Variants in ANXA4 observed in about 807,000 individuals in gnomAD.
ANXA4 encodes the protein annexin A4.
A neutral mutation model predicts 49.8 loss-of-function variants in ANXA4; 39 were observed. That is an observed-to-expected ratio of 0.78 (90% CI 0.61 to 1.02). The LOEUF is 1.02. ANXA4 is among the 50% of genes least tolerant of loss of function. ANXA4 has a pLI of 0.00. For synonymous variants in ANXA4, 134 were observed against 152.5 expected, an observed-to-expected ratio of 0.88 and a Z score of 0.89; for missense variants, 360 against 410.1, an observed-to-expected ratio of 0.88 and a Z score of 1.05.
intron 2 of ANXA4, among the ~76,000 whole-genome samples, chr2:69,706,024 T>C (rs533024896): frequency 8.6e-5 from 13 of 152,018 alleles, no homozygotes; most frequent in Non-Finnish European, 1.3e-4. Context: ...AAAAAATATA[T>C]ATATCTGTGT....
chr2:69,732,019 C>T (rs1221623043), intron 3 of ANXA4, among the ~76,000 whole-genome samples: 7 of 124,986 alleles, frequency 5.6e-5, no homozygotes, highest in South Asian at 2.4e-4. Context: ...CTGGCTCTGT[C>T]GCCCAGGCTG....
chr2:69,685,313 C>G (rs756203558), intron 2 of ANXA4, among the ~76,000 whole-genome samples: 1 of 152,084 alleles, frequency 6.6e-6, no homozygotes, highest in Admixed American at 6.6e-5. Context: ...AATGCCCATA[C>G]ATATAGAATA....
upstream of ANXA4, among the ~76,000 whole-genome samples, chr2:69,741,674 G>C (rs559354710): frequency 6.6e-6 from 1 of 152,258 alleles, no homozygotes; most frequent in Admixed American, 6.5e-5. Flanking sequence ...CCGAGGTGGG[G>C]GGAAGCGCGG....
chr2:69,822,800 A>T (rs1446692259), intron 12 of ANXA4, among the ~76,000 whole-genome samples: 1 of 152,078 alleles, frequency 6.6e-6, no homozygotes, highest in Non-Finnish European at 1.5e-5. Flanking sequence ...GTGGGTACAG[A>T]GTTTCTGTTT....
Position 69,812,674 on chromosome 2 carries a change from T to C in ANXA4, c.499T>C (p.Tyr167His), listed in dbSNP as rs758801174. Residue 167 changes from tyrosine (Y) to histidine (H), a missense_variant, in exon 8 of 13, where the codon TAT (tyrosine) becomes CAT (histidine). Physicochemically the swap from Tyr to His is moderately conservative, Grantham distance 83 (BLOSUM62 2). Coordinates refer to ENST00000394295, the MANE Select transcript of ANXA4 (RefSeq NM_001153.5). Reference protein sequence around the residue: ...LSAGGRDEGNYLDDALVRQDA... With the variant: ...LSAGGRDEGNHLDDALVRQDA... ...TCAGGGTGGGAGGGATGAAGGAAAT[T>C]ATCTGGACGATGCTCTCGTGAGACA... 3 of 1,614,146 alleles carry C rather than the reference T, an allele frequency of 1.9e-6. No homozygotes were observed. Among genetic ancestry groups the C allele is most frequent in the Admixed American group, 1.7e-5 (1 of 60,022 alleles).
intron 2 of ANXA4, among the ~76,000 whole-genome samples, chr2:69,707,002 C>T (rs1678520589): frequency 6.6e-6 from 1 of 152,126 alleles, no homozygotes; most frequent in Admixed American, 6.6e-5. Context: ...ATACACTTGA[C>T]TTGGTTGTGA....
At chr2:69,821,177 G>C (rs561120925) in intron 12 of ANXA4, among the ~76,000 whole-genome samples, 7 of 152,252 alleles carry the variant, frequency 4.6e-5, no homozygotes, top group African/African-American at 1.4e-4. Context: ...TGGGAATATG[G>C]GAAAGCATTT....
At chr2:69,758,124 T>G (rs1671136369) in intron 1 of ANXA4, among the ~76,000 whole-genome samples, 1 of 152,190 alleles carries the variant, frequency 6.6e-6, no homozygotes, top group African/African-American at 2.4e-5. Context: ...GCAATTCTTG[T>G]GCCTCAGCAT....
Position 69,730,302 on chromosome 2 carries a change from G to A in ANXA4, n.864+9431G>A, listed in dbSNP as rs187284500. 7.0e-4 allele frequency among the ~76,000 whole-genome samples: 107 copies of A among 152,320 alleles called. 1 individual carries two copies. Among genetic ancestry groups the A allele is most frequent in the African/African-American group, 2.5e-3 (104 of 41,562 alleles). ...GGATCACCTGAGGTCAGGAGTTCGA[G>A]ACCAGCCTGGCCAACATGAGGAAAC... On this transcript the variant is annotated intron_variant and non_coding_transcript_variant, in intron 3 of 3. Transcript: ENST00000418066.
intron 2 of ANXA4, among the ~76,000 whole-genome samples, chr2:69,713,342 C>T (rs1173561490): frequency 6.6e-6 from 1 of 152,070 alleles, no homozygotes; most frequent in East Asian, 1.9e-4. Flanking sequence ...ACTCATTCTC[C>T]CCAAGGAAGA....
chr2:69,703,271 T>C (rs1678390786), intron 2 of ANXA4, among the ~76,000 whole-genome samples: 1 of 152,064 alleles, frequency 6.6e-6, no homozygotes, highest in African/African-American at 2.4e-5. Flanking sequence ...TATTAAAATA[T>C]AATTCACATA....
At chr2:69,655,875 CA>C (rs1321861366) in intron 2 of ANXA4, among the ~76,000 whole-genome samples, 3 of 152,040 alleles carry the variant, frequency 2.0e-5, no homozygotes, top group African/African-American at 7.2e-5. Context: ...ATGTCCTTTG[CA>C]GGAACATGGA....
At chr2:69,801,383 G>GC (rs1255161842) in intron 3 of ANXA4, among the ~76,000 whole-genome samples, 1 of 151,150 alleles carries the variant, frequency 6.6e-6, no homozygotes, top group Non-Finnish European at 1.5e-5. Context: ...GGACTCTTTT[G>GC]CCCTCACTAT....
intron 2 of ANXA4, among the ~76,000 whole-genome samples, chr2:69,662,887 C>T (rs1000419854): frequency 1.3e-5 from 2 of 151,938 alleles, no homozygotes; most frequent in South Asian, 2.1e-4. Context: ...ATAAAATACT[C>T]ATGTACTATA....
chr2:69,748,463 AT>A (rs1343729717), intron 1 of ANXA4, among the ~76,000 whole-genome samples: 1 of 150,920 alleles, frequency 6.6e-6, no homozygotes, highest in African/African-American at 2.4e-5. Context: ...ATTTTGCATT[AT>A]TTTTCATTAA....
chr2:69,803,762 G>A (rs1418648983), intron 3 of ANXA4, among the ~76,000 whole-genome samples: 3 of 151,862 alleles, frequency 2.0e-5, no homozygotes, highest in Non-Finnish European at 4.4e-5. Context: ...AAACTCAGAG[G>A]AGATGATAAA....
intron 1 of ANXA4, among the ~76,000 whole-genome samples, chr2:69,650,828 T>C (rs995487659): frequency 1.3e-5 from 2 of 152,230 alleles, no homozygotes; most frequent in Admixed American, 6.5e-5. Context: ...TTTGTGCAGT[T>C]TAAAAAGAAA....
chr2:69,771,017 T>TA (rs1671689849), intron 1 of ANXA4, among the ~76,000 whole-genome samples: 1 of 135,392 alleles, frequency 7.4e-6, no homozygotes, highest in African/African-American at 2.9e-5. Flanking sequence ...TCTCTTGAGC[T>TA]AAGTAGTTCG....
At chr2:69,655,325 T>C (rs139951759) in intron 2 of ANXA4, among the ~76,000 whole-genome samples, 1 of 151,720 alleles carries the variant, frequency 6.6e-6, no homozygotes, top group Admixed American at 6.6e-5. Context: ...TCAAACAAAT[T>C]TACAAGAAAA....
Sources: allele counts gnomAD v4.1 joint callset (sites outside exome capture counted in the v4.1 genomes callset), GRCh38; gene constraint gnomAD v4.1.1; transcripts MANE v1.5; gene names NCBI Gene and HGNC (gene_info 2026-07-23, HGNC 2026-07-21).